CCAT2: variants seen among roughly 807,000 people sequenced by gnomAD.
The protein encoded by CCAT2 is colon cancer associated transcript 2, also known as colon cancer associated transcript 2 (non-protein coding).
exon 1 of CCAT2, chr8:127,401,337 C>T (rs1188078336): frequency 6.6e-6 from 1 of 152,198 alleles, no homozygotes; most frequent in East Asian, 1.9e-4. Context: ...TCTCGTTTCT[C>T]AACTGCCCAG....
At chr8:127,400,895 A>C (rs1413163041) in exon 1 of CCAT2, 1 of 152,230 alleles carries the variant, frequency 6.6e-6, no homozygotes, top group Non-Finnish European at 1.5e-5. Flanking sequence ...TTTCCCTTCC[A>C]GCTCCACCTC....
At chr8:127,401,922 C>A (rs187774308) in exon 1 of CCAT2, 1 of 152,322 alleles carries the variant, frequency 6.6e-6, no homozygotes, top group Admixed American at 6.5e-5. Flanking sequence ...ATTTCATCTA[C>A]GTGAAGAGCC....
chr8:127,400,818 T>A (rs1397522954), exon 1 of CCAT2: 3 of 152,242 alleles, frequency 2.0e-5, no homozygotes, highest in East Asian at 1.9e-4. Context: ...CCCTCCAGCA[T>A]TTTTTAGCAG....
exon 1 of CCAT2, chr8:127,402,031 C>A (rs1226565622): frequency 6.6e-6 from 1 of 152,250 alleles, no homozygotes; most frequent in Non-Finnish European, 1.5e-5. Flanking sequence ...TTGCCAGGCT[C>A]CTGGCTCAGC....
exon 1 of CCAT2, chr8:127,400,520 C>T (rs1814926316): frequency 6.6e-6 from 1 of 152,150 alleles, no homozygotes; most frequent in Admixed American, 6.5e-5. Context: ...TCAGACATTT[C>T]TTGAACACCA....
exon 1 of CCAT2, chr8:127,401,027 C>A (rs1362283472): frequency 6.6e-6 from 1 of 152,234 alleles, no homozygotes; most frequent in Non-Finnish European, 1.5e-5. Flanking sequence ...AGAGTTAATA[C>A]CCTCATCGTC....
At chr8:127,401,310 C>G (rs1007897498) in exon 1 of CCAT2, 2 of 152,322 alleles carry the variant, frequency 1.3e-5, no homozygotes, top group East Asian at 3.9e-4. Context: ...ACAATGTGTT[C>G]TTTGTCCCAC....
chr8:127,400,838 T>C (rs1814929989), exon 1 of CCAT2: 1 of 152,200 alleles, frequency 6.6e-6, no homozygotes, highest in Non-Finnish European at 1.5e-5. Context: ...GCTGCATCGC[T>C]CCATAGAGCC....
chr8:127,400,964 C>T (rs1814931504), exon 1 of CCAT2: 1 of 152,252 alleles, frequency 6.6e-6, no homozygotes. Context: ...AGCTCCCTAT[C>T]CATAAAACAG....
At chr8:127,401,339 A>G (rs1814936400) in exon 1 of CCAT2, 1 of 152,204 alleles carries the variant, frequency 6.6e-6, no homozygotes. Flanking sequence ...TCGTTTCTCA[A>G]CTGCCCAGGT....
exon 1 of CCAT2, chr8:127,401,645 T>A (rs1814939898): frequency 6.6e-6 from 1 of 152,248 alleles, no homozygotes; most frequent in South Asian, 2.1e-4. Flanking sequence ...CGTCAGCTTT[T>A]AAAGCTACCA....
chr8:127,401,487 AAATGTACAAGG>A (rs1458302165), exon 1 of CCAT2: 2 of 152,254 alleles, frequency 1.3e-5, no homozygotes, highest in African/African-American at 4.8e-5. Flanking sequence ...CAAAATGTAC[AAATGTACAAGG>A]AATGAGCCCA....
chr8:127,401,193 T>C (rs1443913641), exon 1 of CCAT2: 1 of 152,226 alleles, frequency 6.6e-6, no homozygotes, highest in East Asian at 1.9e-4. Flanking sequence ...TTTCTCAGGA[T>C]TGGGGCCTTA....
At chr8:127,401,437 C>T (rs1814937534) in exon 1 of CCAT2, 1 of 152,270 alleles carries the variant, frequency 6.6e-6, no homozygotes, top group Non-Finnish European at 1.5e-5. Context: ...CAAGTCCCAA[C>T]AAGAAGGCAT....
chr8:127,402,015 A>G (rs1814943735), exon 1 of CCAT2: 1 of 152,238 alleles, frequency 6.6e-6, no homozygotes, highest in Admixed American at 6.5e-5. Context: ...TGTGTGCTCC[A>G]AGTGCTTGCC....
chr8:127,400,814 A>G (rs1342027119), exon 1 of CCAT2: 2 of 152,256 alleles, frequency 1.3e-5, no homozygotes, highest in African/African-American at 4.8e-5. Flanking sequence ...ACAGCCCTCC[A>G]GCATTTTTTA....
chr8:127,401,361 G>A (rs1244094143), exon 1 of CCAT2: 1 of 152,158 alleles, frequency 6.6e-6, no homozygotes, highest in Non-Finnish European at 1.5e-5. Flanking sequence ...ATATGTTTGG[G>A]CCTGTAGGAA....
chr8:127,400,783 T>C (rs970684960), exon 1 of CCAT2: 1 of 152,266 alleles, frequency 6.6e-6, no homozygotes, highest in Non-Finnish European at 1.5e-5. Context: ...TTTCCTGCTC[T>C]TATTGCATGA....
At chr8:127,400,670 A>C (rs913578813) in exon 1 of CCAT2, 1 of 152,172 alleles carries the variant, frequency 6.6e-6, no homozygotes, top group African/African-American at 2.4e-5. Flanking sequence ...TCTACTCTGT[A>C]ATTAACTACC....
Sources: allele counts gnomAD v4.1 joint callset, GRCh38; gene constraint gnomAD v4.1.1; transcripts MANE v1.5; gene names NCBI Gene and HGNC (gene_info 2026-07-23, HGNC 2026-07-21).